ACAP2: variants seen among roughly 807,000 people sequenced by gnomAD.
ACAP2 encodes arf-GAP with coiled-coil, ANK repeat and PH domain-containing protein 2.
In ACAP2, 39 loss-of-function variants were observed where a neutral mutation model predicts 115.8. The observed-to-expected ratio is 0.34, with a 90% confidence interval of 0.26 to 0.44. ACAP2 has a LOEUF of 0.44. ACAP2 is among the 20% of genes least tolerant of loss of function. ACAP2 has a pLI of 1.00. For missense variants in ACAP2, 662 were observed against 927.6 expected (o/e 0.71, Z 3.72); for synonymous variants, 289 against 315.8 (o/e 0.92, Z 0.90).
intron 7 of ACAP2, among the ~76,000 whole-genome samples, chr3:195,333,729 A>T (rs979335816): frequency 1.3e-5 from 2 of 152,226 alleles, no homozygotes; most frequent in East Asian, 3.8e-4. Context: ...TCCTAGGTCC[A>T]TTATAAAGTA....
At chr3:195,302,485 G>A (rs1728129405) in intron 13 of ACAP2, among the ~76,000 whole-genome samples, 1 of 152,110 alleles carries the variant, frequency 6.6e-6, no homozygotes, top group Admixed American at 6.5e-5. Flanking sequence ...GGAGACAGAG[G>A]AAATAGGTAA....
At chr3:195,298,820 G>T (rs1406636841) in intron 15 of ACAP2, among the ~76,000 whole-genome samples, 3 of 152,040 alleles carry the variant, frequency 2.0e-5, no homozygotes, top group African/African-American at 7.2e-5. Flanking sequence ...TGGTAGAGAT[G>T]GGGTTTCTCC....
At chr3:195,346,124 A>G (rs1052056882) in intron 4 of ACAP2, among the ~76,000 whole-genome samples, 1 of 152,172 alleles carries the variant, frequency 6.6e-6, no homozygotes, top group African/African-American at 2.4e-5. Flanking sequence ...CCTGAATACT[A>G]CATACACACA....
At chr3:195,322,628 C>T (rs1729524147) in intron 9 of ACAP2, among the ~76,000 whole-genome samples, 1 of 151,962 alleles carries the variant, frequency 6.6e-6, no homozygotes, top group South Asian at 2.1e-4. Context: ...AACTTTAATG[C>T]CCTCATTTAA....
chr3:195,395,374 AG>A (rs1711667471), intron 1 of ACAP2, among the ~76,000 whole-genome samples: 1 of 152,260 alleles, frequency 6.6e-6, no homozygotes, highest in Non-Finnish European at 1.5e-5. Flanking sequence ...GGAAGAAAAG[AG>A]AAGACAATGA....
At chr3:195,315,843 T>C (rs2109014037) in intron 10 of ACAP2, among the ~76,000 whole-genome samples, 1 of 152,330 alleles carries the variant, frequency 6.6e-6, no homozygotes, top group South Asian at 2.1e-4. Context: ...TTTAGCTGCA[T>C]TTTAATATCT....
intron 4 of ACAP2, among the ~76,000 whole-genome samples, chr3:195,374,841 T>C (rs920592580): frequency 2.6e-5 from 4 of 151,230 alleles, no homozygotes; most frequent in Admixed American, 6.6e-5. Context: ...CAGCATCCCA[T>C]AGAAGACCTT....
intron 15 of ACAP2, among the ~76,000 whole-genome samples, chr3:195,297,768 T>C (rs1452925944): frequency 1.3e-5 from 2 of 152,238 alleles, no homozygotes; most frequent in East Asian, 1.9e-4. Context: ...CTGGTAATTA[T>C]TTTTGAACTT....
chr3:195,393,108 G>A (rs1734785814), intron 1 of ACAP2, among the ~76,000 whole-genome samples: 1 of 152,168 alleles, frequency 6.6e-6, no homozygotes, highest in Admixed American at 6.5e-5. Flanking sequence ...AGGCTGAGGG[G>A]AAGGACTGCT....
At chr3:195,342,421 C>T in intron 6 of ACAP2, 50 bp downstream of exon 6, 2 of 1,492,620 alleles carry the variant, frequency 1.3e-6, no homozygotes, top group Non-Finnish European at 1.8e-6. Context: ...AAGTAACAAC[C>T]TGTTTAAGTA....
intron 2 of ACAP2, among the ~76,000 whole-genome samples, chr3:195,385,585 G>C (rs1734247555): frequency 6.6e-6 from 1 of 151,770 alleles, no homozygotes; most frequent in Admixed American, 6.6e-5. Context: ...TTAGCAGCAA[G>C]AAATAAAGGC....
At chr3:195,356,829 C>A (rs1279332687) in intron 4 of ACAP2, among the ~76,000 whole-genome samples, 3 of 151,958 alleles carry the variant, frequency 2.0e-5, no homozygotes, top group East Asian at 2.0e-4. Context: ...CAGCAGCAAC[C>A]AAGTAACACA....
At chr3:195,322,064 T>C (rs753000776) in intron 9 of ACAP2, among the ~76,000 whole-genome samples, 2 of 152,240 alleles carry the variant, frequency 1.3e-5, no homozygotes, top group Admixed American at 6.5e-5. Context: ...AGTCTTCTTC[T>C]AGCGTTCTAA....
At chr3:195,311,956 C>G (rs948660291) in intron 10 of ACAP2, among the ~76,000 whole-genome samples, 1 of 150,826 alleles carries the variant, frequency 6.6e-6, no homozygotes, top group African/African-American at 2.4e-5. Context: ...AAATATTATA[C>G]TTTAAAATAT....
intron 1 of ACAP2, among the ~76,000 whole-genome samples, chr3:195,424,945 GGTTTT>G (rs1714557363): frequency 1.1e-5 from 1 of 88,340 alleles, no homozygotes. Flanking sequence ...AAAAAAAAAA[GGTTTT>G]AAGAGTTGAT....
At chr3:195,294,678 G>C in intron 18 of ACAP2, 41 bp downstream of exon 18, 1 of 1,147,356 alleles carries the variant, frequency 8.7e-7, no homozygotes, top group Non-Finnish European at 1.2e-6. Flanking sequence ...GCACTTTCCA[G>C]CAAACAAAAC....
rs1399077432 is a variant in ACAP2 at position 195,277,766 on chromosome 3, T to C, written c.*1562A>G. 1 of 152,128 alleles carries C rather than the reference T, an allele frequency of 6.6e-6. No individual in the cohort carries two copies. Among genetic ancestry groups the C allele is most frequent in the Non-Finnish European group, 1.5e-5 (1 of 68,040 alleles). 9.4% of individuals were successfully genotyped at this position (152,128 alleles called of 1,614,324 possible). A position where few individuals can be genotyped will look rare whatever the true frequency, so the allele number is the denominator to read the frequency against. ...CTAAAAGAAGAATAGACTTAATTGTTGACAACAATGGGAAGGAATCAAAAG... is the reference window on the plus strand; with the variant it reads ...CTAAAAGAAGAATAGACTTAATTGTCGACAACAATGGGAAGGAATCAAAAG... On this transcript the variant is annotated 3_prime_UTR_variant, in exon 23 of 23. Transcript: ENST00000326793.
rs191860334 is a variant in ACAP2 at position 195,422,084 on chromosome 3, G to A, written c.53+20711C>T. ...TGTATCGAAAAAAAATGAGGTATCA[G>A]AGGTTATGTTTTTTAACCTCTTATG... On this transcript the variant is annotated intron_variant, in intron 1 of 22. Transcript: ENST00000326793. Among the ~76,000 whole-genome samples, 78 of 152,234 alleles carry A rather than the reference G, an allele frequency of 5.1e-4. 1 individual carries two copies. Among genetic ancestry groups the A allele is most frequent in the African/African-American group, 1.7e-3 (72 of 41,528 alleles).
chr3:195,401,926 C>T (rs975125886), intron 1 of ACAP2, among the ~76,000 whole-genome samples: 8 of 152,068 alleles, frequency 5.3e-5, no homozygotes, highest in African/African-American at 1.9e-4. Flanking sequence ...GCCTAATAAA[C>T]AGGCTCAGGG....
Sources: allele counts gnomAD v4.1 joint callset (sites outside exome capture counted in the v4.1 genomes callset), GRCh38; gene constraint gnomAD v4.1.1; transcripts MANE v1.5; gene names NCBI Gene and HGNC (gene_info 2026-07-23, HGNC 2026-07-21).